The following MSH5 variants were observed in gnomAD, a reference collection of about 807,000 sequenced individuals.
MSH5 encodes the protein mutS protein homolog 5.
In MSH5, 78 loss-of-function variants were observed where a neutral mutation model predicts 107.7. The observed-to-expected ratio is 0.72, with a 90% CI of 0.60 to 0.87. The LOEUF (loss-of-function observed/expected upper bound fraction) is 0.87, where lower values mean the gene tolerates loss of function less well. MSH5 is among the 40% of genes least tolerant of loss of function. The probability of loss-of-function intolerance (pLI) is 0.00; values close to 1 mark genes in which losing one functional copy is unlikely to be tolerated. For missense variants in MSH5, 889 were observed against 1,046.6 expected (o/e 0.85, Z 2.08); for synonymous variants, 326 against 399.5 (o/e 0.82, Z 2.19).
At chr6:31,750,130 A>G (rs1450210557) in intron 10 of MSH5, among the ~76,000 whole-genome samples, 1 of 152,242 alleles carries the variant, frequency 6.6e-6, no homozygotes, top group Admixed American at 6.5e-5. Flanking sequence ...CCCAAATGGA[A>G]TCAGACAGGG....
chr6:31,758,343 A>G lies in MSH5; in HGVS notation c.1143+50A>G. ...CACCCAGGGAGGTCAGGGAGAGAGA[A>G]TGCAGTGTGCAAGATGGGGAAACAT... On this transcript the variant is annotated intron_variant, in intron 13 of 24. Coordinates refer to ENST00000375750, the MANE Select transcript of MSH5 (RefSeq NM_172166.4). This position sits in a 1 kb window ranked among gnomAD's most constrained non-coding sequence, Gnocchi z 5.1. 1 of 1,606,538 alleles carries G rather than the reference A, an allele frequency of 6.2e-7. No individual in the cohort carries two copies. Among genetic ancestry groups the G allele is most frequent in the East Asian group, 2.2e-5 (1 of 44,804 alleles).
At chr6:31,748,724 A>G (rs1809689385) in intron 10 of MSH5, among the ~76,000 whole-genome samples, 2 of 152,154 alleles carry the variant, frequency 1.3e-5, no homozygotes, top group South Asian at 4.2e-4. Context: ...CAGGATTAAG[A>G]TTAGCATCTT....
intron 12 of MSH5, among the ~76,000 whole-genome samples, chr6:31,754,339 G>A (rs898356071): frequency 1.3e-5 from 2 of 148,466 alleles, no homozygotes; most frequent in Non-Finnish European, 3.0e-5. Flanking sequence ...TAGTAGAGAT[G>A]GGATTTCACC....
Position 31,760,759 on chromosome 6 carries a change from G to C in MSH5, c.1882G>C (p.Val628Leu), listed in dbSNP as rs367550649. 1 of 1,612,952 alleles carries C rather than the reference G, an allele frequency of 6.2e-7. No individual in the cohort carries two copies. The highest frequency in any genetic ancestry group is 1.3e-5 in the African/African-American group (1 of 74,924). The change falls in exon 20 of 25, where the codon GTA becomes CTA. Residue 628 changes from valine to leucine, a missense_variant. Coordinates refer to ENST00000375750, the MANE Select transcript of MSH5 (RefSeq NM_172166.4). This position sits in a 1 kb window ranked among gnomAD's most constrained non-coding sequence, Gnocchi z 5.6. ...AGCAGAGGAGGCCGAAATTGGGGCA[G>C]TAGACGCCATCTTCACACGAATTCA... ...VPAEEAEIGA[V>L]DAIFTRIHSC...
At chr6:31,752,677 A>G (rs1022655854) in intron 10 of MSH5, among the ~76,000 whole-genome samples, 1 of 151,106 alleles carries the variant, frequency 6.6e-6, no homozygotes, top group Non-Finnish European at 1.5e-5. Flanking sequence ...CCGAGATCGC[A>G]TCACTGCACT....
intron 9 of MSH5, 100 bp from the exon 10 acceptor site, chr6:31,747,287 C>G: frequency 7.7e-7 from 1 of 1,302,134 alleles, no homozygotes; most frequent in Non-Finnish European, 1.1e-6. Context: ...CCTCAACAAC[C>G]AGCACCTCTG....
Position 31,740,987 on chromosome 6 carries a change from G to T in MSH5, c.148-176G>T, listed in dbSNP as rs1338969317. Among the ~76,000 whole-genome samples, 2 of 151,940 alleles carry T rather than the reference G, an allele frequency of 1.3e-5. No individual in the cohort carries two copies. The highest frequency in any genetic ancestry group is 2.4e-5 in the African/African-American group (1 of 41,368). On this transcript the variant is annotated intron_variant, in intron 2 of 24. Transcript: ENST00000375750. This position sits in a 1 kb window ranked among gnomAD's most constrained non-coding sequence, Gnocchi z 4.4. The stretch of plus-strand genomic sequence containing the variant: ...AAGAAAGAAAGAAAAAAAAAACAGG[G>T]TTGGGAAGAGCTGGGCAAGTCTCTT...
intron 10 of MSH5, among the ~76,000 whole-genome samples, chr6:31,749,279 C>A (rs564440996): frequency 6.6e-6 from 1 of 152,212 alleles, no homozygotes; most frequent in South Asian, 2.1e-4. Context: ...CGGTGGCTCA[C>A]GCCTGTAGTC....
chr6:31,755,654 A>C (rs1347894852), intron 12 of MSH5, among the ~76,000 whole-genome samples: 1 of 151,876 alleles, frequency 6.6e-6, no homozygotes, highest in East Asian at 1.9e-4. Context: ...GAGCCATTGC[A>C]CCTGACCAAT....
At chr6:31,743,330 T>C (rs573102687) in intron 5 of MSH5, 160 bp downstream of exon 5, 3 of 719,490 alleles carry the variant, frequency 4.2e-6, no homozygotes, top group Admixed American at 5.0e-5. Flanking sequence ...TCTCTCCTGC[T>C]CCCTACCCTT....
chr6:31,747,263 T>A, intron 9 of MSH5, 124 bp from the exon 10 acceptor site: 1 of 1,022,348 alleles, frequency 9.8e-7, no homozygotes, highest in Non-Finnish European at 1.5e-6. Context: ...CTTTGTGCCC[T>A]CCCAGGCCAG....
chr6:31,740,533 G>T lies in MSH5; in HGVS notation c.67G>T (p.Gly23Cys). The T allele has an allele frequency of 2.6e-6, 4 of 1,543,086 alleles. No homozygotes were observed. Among genetic ancestry groups the T allele is most frequent in the Non-Finnish European group, 3.5e-6 (4 of 1,144,116 alleles). Reference protein sequence around the residue: ...QGPRPGAASSGFPSPAPVPGP... With the variant: ...QGPRPGAASSCFPSPAPVPGP... ...ACCGAGACCTGGGGCGGCCTCCTCCGGCTTCCCCAGCCCGGCCCCAGTGCC... is the reference window on the plus strand; with the variant it reads ...ACCGAGACCTGGGGCGGCCTCCTCCTGCTTCCCCAGCCCGGCCCCAGTGCC... Residue 23 changes from glycine (G) to cysteine (C), a missense_variant, in exon 2 of 25, where the codon GGC becomes TGC. This residue lies in a region of MSH5 where 518 missense variants were observed against 565.0 expected (regional missense o/e 0.92). Coordinates refer to ENST00000375750, the MANE Select transcript of MSH5 (RefSeq NM_172166.4). The surrounding 1 kb of genome is among the most constrained non-coding windows in gnomAD (Gnocchi z 4.4).
At chr6:31,742,230 A>C (rs1808980530) in intron 3 of MSH5, among the ~76,000 whole-genome samples, 1 of 152,102 alleles carries the variant, frequency 6.6e-6, no homozygotes, top group Non-Finnish European at 1.5e-5. Flanking sequence ...TTATTTAACA[A>C]ATATTTGTGA....
intron 10 of MSH5, among the ~76,000 whole-genome samples, chr6:31,751,204 G>T (rs1012227277): frequency 2.6e-5 from 4 of 152,086 alleles, no homozygotes; most frequent in African/African-American, 9.7e-5. Context: ...CACCGCGTTA[G>T]CCAGGATGGT....
intron 5 of MSH5, 53 bp downstream of exon 5, chr6:31,743,223 TC>T: frequency 6.4e-7 from 1 of 1,562,290 alleles, no homozygotes; most frequent in Non-Finnish European, 8.8e-7. Flanking sequence ...TCCCATTCTT[TC>T]CCCCAACTCT....
Position 31,760,743 on chromosome 6 carries a change from G to A in MSH5, c.1866G>A (p.Glu622=), listed in dbSNP as rs775371109. Residue 622 remains glutamate (E), a synonymous_variant, in exon 20 of 25, where the codon GAG becomes GAA. Coordinates refer to ENST00000375750, the MANE Select transcript of MSH5 (RefSeq NM_172166.4). This position sits in a 1 kb window ranked among gnomAD's most constrained non-coding sequence, Gnocchi z 5.6. The part of the protein sequence containing the change: ...ALVGSFVPAE[E]AEIGAVDAIF... ...TAGGCAGCTTTGTGCCAGCAGAGGAGGCCGAAATTGGGGCAGTAGACGCCA... is the reference window on the plus strand; with the variant it reads ...TAGGCAGCTTTGTGCCAGCAGAGGAAGCCGAAATTGGGGCAGTAGACGCCA... 1 of 1,613,068 alleles carries A rather than the reference G, an allele frequency of 6.2e-7. No homozygotes were observed. Among genetic ancestry groups the A allele is most frequent in the Non-Finnish European group, 8.5e-7 (1 of 1,180,052 alleles).
intron 5 of MSH5, 129 bp downstream of exon 5, chr6:31,743,299 C>A: frequency 1.1e-6 from 1 of 932,616 alleles, no homozygotes; most frequent in African/African-American, 1.6e-5. Context: ...TCCTCATGCC[C>A]TATGACCTGT....
chr6:31,749,861 C>G (rs1161823410), intron 10 of MSH5, among the ~76,000 whole-genome samples: 2 of 152,138 alleles, frequency 1.3e-5, no homozygotes, highest in African/African-American at 4.8e-5. Flanking sequence ...AGAGTGGAAA[C>G]CTTTGCTAGC....
At position 31,758,628 on chromosome 6, in the gene MSH5, T is replaced by A. The variant is rs749889196; in HGVS notation, c.1216+8T>A. The A allele has an allele frequency of 1.8e-5, 29 of 1,613,868 alleles. No individual in the cohort carries two copies. Among genetic ancestry groups the A allele is most frequent in the Non-Finnish European group, 2.5e-5 (29 of 1,180,002 alleles). On this transcript the variant is annotated splice_region_variant and intron_variant, in intron 14 of 24. Transcript: ENST00000375750. The surrounding 1 kb of genome is among the most constrained non-coding windows in gnomAD (Gnocchi z 5.1). ...ATCCTGAAATTGATGAGAGTGAGTGTTGGGTGTGGATGGGCCTGTGAGCCC... is the reference window on the plus strand; with the variant it reads ...ATCCTGAAATTGATGAGAGTGAGTGATGGGTGTGGATGGGCCTGTGAGCCC...
Sources: gnomAD v4.1 joint callset for allele counts (sites outside exome capture counted in the v4.1 genomes callset) on GRCh38, gnomAD v4.1.1 for gene constraint, gnomAD v4.1.1 regional missense constraint, Gnocchi (gnomAD v3.1) non-coding constraint, MANE v1.5 for transcripts, NCBI Gene and HGNC (gene_info 2026-07-23, HGNC 2026-07-21) for gene names.